CSMD3: variants seen among roughly 807,000 people sequenced by gnomAD.
CSMD3 encodes CUB and sushi domain-containing protein 3.
A neutral mutation model predicts 435.2 loss-of-function variants in CSMD3; 177 were observed. The observed-to-expected ratio is 0.41, with a 90% CI of 0.36 to 0.46. The LOEUF (loss-of-function observed/expected upper bound fraction) is 0.46. Ranked by LOEUF, CSMD3 falls within the 20% of genes least tolerant of loss-of-function variation. The pLI is 0.34. For synonymous variants in CSMD3, 1,656 were observed against 1,520.5 expected, an observed-to-expected ratio of 1.09 and a Z score of -2.07; for missense variants, 4,265 against 4,504.6, an observed-to-expected ratio of 0.95 and a Z score of 1.52.
intron 1 of CSMD3, among the ~76,000 whole-genome samples, chr8:113,365,628 G>T (rs1160602322): frequency 6.6e-6 from 1 of 152,002 alleles, no homozygotes; most frequent in Non-Finnish European, 1.5e-5. Flanking sequence ...GACGTTGGCT[G>T]AGCTGTTGTC....
At chr8:112,362,569 G>C (rs1272427557) in intron 38 of CSMD3, among the ~76,000 whole-genome samples, 1 of 151,990 alleles carries the variant, frequency 6.6e-6, no homozygotes. Flanking sequence ...CTGTTGGTGA[G>C]TACCTATTGC....
intron 13 of CSMD3, among the ~76,000 whole-genome samples, chr8:112,706,783 T>G (rs2076507440): frequency 6.6e-6 from 1 of 152,092 alleles, no homozygotes; most frequent in African/African-American, 2.4e-5. Context: ...ACTATTATCA[T>G]GTGAAATGAA....
intron 13 of CSMD3, among the ~76,000 whole-genome samples, chr8:112,746,269 T>C (rs553991166): frequency 9.8e-5 from 15 of 152,320 alleles, no homozygotes; most frequent in Non-Finnish European, 2.9e-5. Flanking sequence ...ATAACTGTTC[T>C]GCTCCACTGG....
At chr8:112,461,125 A>G (rs1166790397) in intron 32 of CSMD3, among the ~76,000 whole-genome samples, 1 of 152,170 alleles carries the variant, frequency 6.6e-6, no homozygotes, top group African/African-American at 2.4e-5. Context: ...TGTGTGTTTT[A>G]ATTATAATCA....
intron 10 of CSMD3, among the ~76,000 whole-genome samples, chr8:112,906,505 G>A (rs2082267784): frequency 6.6e-6 from 1 of 151,362 alleles, no homozygotes; most frequent in South Asian, 2.1e-4. Flanking sequence ...GGAGACAACT[G>A]CCCTTTGTAT....
intron 1 of CSMD3, among the ~76,000 whole-genome samples, chr8:113,369,799 T>G (rs2094335650): frequency 6.6e-6 from 1 of 151,800 alleles, no homozygotes; most frequent in Non-Finnish European, 1.5e-5. Flanking sequence ...GCGAAATAAG[T>G]CAGTCACAGA....
chr8:112,771,771 G>C (rs1230237763), intron 13 of CSMD3, among the ~76,000 whole-genome samples: 1 of 152,022 alleles, frequency 6.6e-6, no homozygotes. Flanking sequence ...ATAAATTGTA[G>C]AGAAGAGTAC....
chr8:112,400,669 T>C lies in CSMD3; in HGVS notation c.5809+5855A>G, dbSNP rs1344342380. On this transcript the variant is annotated intron_variant, in intron 35 of 70. Transcript: ENST00000297405. Reference sequence around the variant, plus strand: ...CACTCCTGAAGTGGAATATCAGTAATAGACTAGGTAACAGCCTAAAGCCTT... The same window carrying C: ...CACTCCTGAAGTGGAATATCAGTAACAGACTAGGTAACAGCCTAAAGCCTT... Among the ~76,000 whole-genome samples, 5 of 152,132 alleles carry C rather than the reference T, an allele frequency of 3.3e-5. No homozygotes were observed. In the East Asian group the frequency reaches 5.8e-4, roughly 18 times the overall value.
At chr8:112,841,859 T>A (rs540367918) in intron 11 of CSMD3, among the ~76,000 whole-genome samples, 4 of 151,906 alleles carry the variant, frequency 2.6e-5, no homozygotes, top group Non-Finnish European at 4.4e-5. Context: ...TTGATGTGGG[T>A]GACTTTACTA....
intron 6 of CSMD3, among the ~76,000 whole-genome samples, chr8:112,990,161 G>A (rs2085400556): frequency 6.6e-6 from 1 of 151,836 alleles, no homozygotes; most frequent in South Asian, 2.1e-4. Flanking sequence ...GTCTTTATTA[G>A]CAGCATGAGA....
intron 61 of CSMD3, among the ~76,000 whole-genome samples, chr8:112,259,522 T>C (rs1270043474): frequency 6.6e-6 from 1 of 152,128 alleles, no homozygotes; most frequent in Admixed American, 6.6e-5. Flanking sequence ...CAAACCACCA[T>C]GGCATGTGTA....
chr8:112,401,194 C>T (rs1413279628), intron 35 of CSMD3, among the ~76,000 whole-genome samples: 2 of 152,088 alleles, frequency 1.3e-5, no homozygotes, highest in Non-Finnish European at 2.9e-5. Context: ...CAGTGCAAGA[C>T]TCCATTTCAA....
chr8:112,745,384 A>G (rs2077403569), intron 13 of CSMD3, among the ~76,000 whole-genome samples: 1 of 152,106 alleles, frequency 6.6e-6, no homozygotes, highest in South Asian at 2.1e-4. Context: ...TATAAAAATA[A>G]TGCAAAATAA....
intron 1 of CSMD3, among the ~76,000 whole-genome samples, chr8:113,355,216 TGG>T (rs2094213947): frequency 6.6e-6 from 1 of 152,126 alleles, no homozygotes; most frequent in African/African-American, 2.4e-5. Flanking sequence ...ATTCCTAATG[TGG>T]GTATATATAT....
chr8:113,005,694 A>G lies in CSMD3; in HGVS notation c.1030+13373T>C, dbSNP rs1456449907. On this transcript the variant is annotated intron_variant, in intron 6 of 70. Transcript: ENST00000297405. ...TTCAAAGATATTCAGCAATTTTTAT[A>G]TAATGTAAATAGGATTCCAATTCAT... Among the ~76,000 whole-genome samples, 3 of 152,076 alleles carry G rather than the reference A, an allele frequency of 2.0e-5. No homozygotes were observed. In the East Asian group the frequency reaches 5.8e-4, roughly 29 times the overall value.
chr8:113,383,780 A>G (rs1184720277), intron 1 of CSMD3, among the ~76,000 whole-genome samples: 2 of 151,906 alleles, frequency 1.3e-5, no homozygotes, highest in Non-Finnish European at 2.9e-5. Flanking sequence ...CAGGCTGATC[A>G]CTCCTGTGTT....
chr8:113,263,707 G>C (rs561600178), intron 3 of CSMD3, among the ~76,000 whole-genome samples: 2 of 151,672 alleles, frequency 1.3e-5, no homozygotes, highest in African/African-American at 2.4e-5. Flanking sequence ...ATGATTAAAA[G>C]AACATATAAA....
At chr8:112,588,211 A>G (rs1273772777) in intron 22 of CSMD3, among the ~76,000 whole-genome samples, 7 of 151,844 alleles carry the variant, frequency 4.6e-5, no homozygotes, top group Admixed American at 2.6e-4. Context: ...TCTAGAAATA[A>G]GATTTTAAAA....
intron 3 of CSMD3, among the ~76,000 whole-genome samples, chr8:113,266,259 A>C (rs1178901673): frequency 6.6e-6 from 1 of 151,226 alleles, no homozygotes; most frequent in Non-Finnish European, 1.5e-5. Context: ...CAGAGAACTA[A>C]ATAGAATGGC....
Sources: allele counts gnomAD v4.1 joint callset (sites outside exome capture counted in the v4.1 genomes callset), GRCh38; gene constraint gnomAD v4.1.1; transcripts MANE v1.5; gene names NCBI Gene and HGNC (gene_info 2026-07-23, HGNC 2026-07-21).